Variants in PTPRG observed in about 807,000 individuals in gnomAD.
PTPRG encodes the protein receptor-type tyrosine-protein phosphatase gamma.
In PTPRG, 102 loss-of-function variants were observed where a neutral mutation model predicts 165.3. That is an observed-to-expected ratio of 0.62 (90% confidence interval 0.53 to 0.73). The LOEUF is 0.73. Among genes scored for constraint, PTPRG ranks in the 30% least tolerant of loss-of-function variants. The pLI, the probability that PTPRG is intolerant of heterozygous loss-of-function variation, is 0.00. For synonymous variants in PTPRG, 675 were observed against 669.5 expected, an observed-to-expected ratio of 1.01 and a Z score of -0.13; for missense variants, 1,866 against 1,861.4, an observed-to-expected ratio of 1.00 and a Z score of -0.05.
intron 6 of PTPRG, among the ~76,000 whole-genome samples, chr3:62,138,049 T>C (rs1451094139): frequency 1.3e-5 from 2 of 152,232 alleles, no homozygotes; most frequent in Non-Finnish European, 2.9e-5. Context: ...CTCTCTTCTC[T>C]TTTGCAGAAC....
chr3:62,070,045 A>T (rs1029106576), intron 4 of PTPRG, among the ~76,000 whole-genome samples: 1 of 152,212 alleles, frequency 6.6e-6, no homozygotes, highest in Non-Finnish European at 1.5e-5. Context: ...AGGATAAAAC[A>T]AAATACCCAG....
chr3:61,939,340 A>G, intron 2 of PTPRG, among the ~76,000 whole-genome samples: 1 of 152,336 alleles, frequency 6.6e-6, no homozygotes, highest in Non-Finnish European at 1.5e-5. Flanking sequence ...TAGAAAGAGG[A>G]TGCTTACATA....
chr3:62,000,970 G>C (rs1375150331), intron 3 of PTPRG, among the ~76,000 whole-genome samples: 1 of 151,952 alleles, frequency 6.6e-6, no homozygotes, highest in Non-Finnish European at 1.5e-5. Context: ...TAGAAACTGA[G>C]GCACAGAGAA....
intron 1 of PTPRG, chr3:61,659,317 A>G (rs948706327): frequency 1.0e-6 from 1 of 985,358 alleles, no homozygotes; most frequent in Non-Finnish European, 1.2e-6. Flanking sequence ...AAGTCCAAAC[A>G]GTGCTGCTCA....
chr3:62,122,296 G>A (rs1703104366), intron 5 of PTPRG, among the ~76,000 whole-genome samples: 1 of 152,152 alleles, frequency 6.6e-6, no homozygotes, highest in Non-Finnish European at 1.5e-5. Flanking sequence ...TGATGACAAG[G>A]AGCTTAAGTT....
At chr3:61,920,865 A>C (rs1213382451) in intron 2 of PTPRG, among the ~76,000 whole-genome samples, 1 of 152,214 alleles carries the variant, frequency 6.6e-6, no homozygotes, top group Non-Finnish European at 1.5e-5. Context: ...GAAATACTTA[A>C]AAAATTTAAT....
At chr3:61,811,730 T>C (rs988826469) in intron 2 of PTPRG, among the ~76,000 whole-genome samples, 6 of 152,210 alleles carry the variant, frequency 3.9e-5, no homozygotes, top group Non-Finnish European at 7.3e-5. Flanking sequence ...TAATCAGCCA[T>C]GCGAGTCAGA....
chr3:61,963,751 G>A (rs1245569690), intron 2 of PTPRG, among the ~76,000 whole-genome samples: 2 of 152,034 alleles, frequency 1.3e-5, no homozygotes, highest in Non-Finnish European at 2.9e-5. Flanking sequence ...TTACCTAAAT[G>A]AACATATTCA....
In PTPRG at chr3:62,228,957, T is replaced by G. The variant is rs1264806133; in HGVS notation, c.2289-2268T>G. On this transcript the variant is annotated intron_variant, in intron 13 of 29. Coordinates refer to ENST00000474889, the MANE Select transcript of PTPRG (RefSeq NM_002841.4). The surrounding 1 kb of genome is among the most constrained non-coding windows in gnomAD (Gnocchi z 4.1). Reference sequence around the variant, plus strand: ...TTTTTTCTTTTAAAACTGGTGAGTGTGCCATTCTTTTCTTTTTGGAACCCA... The same window carrying G: ...TTTTTTCTTTTAAAACTGGTGAGTGGGCCATTCTTTTCTTTTTGGAACCCA... 1.3e-5 allele frequency among the ~76,000 whole-genome samples: 2 copies of G among 152,238 alleles called. No individual in the cohort carries two copies. Among genetic ancestry groups the G allele is most frequent in the Non-Finnish European group, 2.9e-5 (2 of 68,044 alleles).
intron 2 of PTPRG, among the ~76,000 whole-genome samples, chr3:61,978,517 A>C (rs2040561226): frequency 6.7e-6 from 1 of 148,696 alleles, no homozygotes; most frequent in African/African-American, 2.5e-5. Context: ...TAATAAAATA[A>C]GTGGTGGATA....
At chr3:62,197,063 G>C (rs987930119) in intron 10 of PTPRG, among the ~76,000 whole-genome samples, 3 of 152,214 alleles carry the variant, frequency 2.0e-5, no homozygotes, top group Admixed American at 6.5e-5. Context: ...GGCAGGCACT[G>C]TAAGGGGTTC....
chr3:61,822,523 A>T (rs2035984472), intron 2 of PTPRG, among the ~76,000 whole-genome samples: 1 of 152,064 alleles, frequency 6.6e-6, no homozygotes, highest in South Asian at 2.1e-4. Flanking sequence ...AAAAGGAAAG[A>T]AAAAAAATGC....
Position 62,191,792 on chromosome 3 carries a change from G to A in PTPRG, c.1218+139G>A. The A allele has an allele frequency of 3.2e-6, 3 of 926,978 alleles. No homozygotes were observed. In the South Asian group the frequency reaches 5.2e-5, roughly 16 times the overall value. 57.4% of individuals were successfully genotyped at this position (926,978 alleles called of 1,614,324 possible). On this transcript the variant is annotated intron_variant, in intron 9 of 29. Coordinates refer to ENST00000474889, the MANE Select transcript of PTPRG (RefSeq NM_002841.4). ...TCTGGTGAACATGGGCACTGCCATT[G>A]CTGCGCTGCTCGAGAGTGCCGGGGA...
chr3:61,793,117 G>T (rs1388725178), intron 2 of PTPRG, among the ~76,000 whole-genome samples: 1 of 152,182 alleles, frequency 6.6e-6, no homozygotes, highest in African/African-American at 2.4e-5. Flanking sequence ...GTGAATATTG[G>T]ATGCATGTCA....
chr3:62,198,605 G>C (rs1374103234), intron 10 of PTPRG, among the ~76,000 whole-genome samples: 1 of 152,114 alleles, frequency 6.6e-6, no homozygotes, highest in East Asian at 1.9e-4. Flanking sequence ...CACAGGAAAG[G>C]AACCAATTAT....
intron 2 of PTPRG, among the ~76,000 whole-genome samples, chr3:61,987,622 C>G (rs1054193071): frequency 6.6e-6 from 1 of 152,062 alleles, no homozygotes; most frequent in African/African-American, 2.4e-5. Flanking sequence ...TTCTAGAAGG[C>G]ATGCATACAT....
chr3:61,844,047 T>C (rs1454393575), intron 2 of PTPRG, among the ~76,000 whole-genome samples: 1 of 151,486 alleles, frequency 6.6e-6, no homozygotes, highest in East Asian at 1.9e-4. Context: ...CACTGCAAAT[T>C]CCGCCTCCCG....
intron 12 of PTPRG, among the ~76,000 whole-genome samples, chr3:62,209,610 T>G (rs983533648): frequency 6.6e-6 from 1 of 152,188 alleles, no homozygotes; most frequent in Non-Finnish European, 1.5e-5. Context: ...CTCGTCAGGT[T>G]TCTTTCTAGA....
chr3:62,030,169 T>C (rs564257713), intron 4 of PTPRG, among the ~76,000 whole-genome samples: 36 of 151,004 alleles, frequency 2.4e-4, no homozygotes, highest in African/African-American at 8.6e-4. Context: ...TACACACAGT[T>C]CTAAAATGAT....
Sources: allele counts gnomAD v4.1 joint callset (sites outside exome capture counted in the v4.1 genomes callset), GRCh38; gene constraint gnomAD v4.1.1; non-coding constraint Gnocchi (gnomAD v3.1); transcripts MANE v1.5; gene names NCBI Gene and HGNC (gene_info 2026-07-23, HGNC 2026-07-21).